The following LNX1 variants were observed in gnomAD, a reference collection of about 807,000 sequenced individuals.
LNX1 encodes the protein E3 ubiquitin-protein ligase LNX.
A neutral mutation model predicts 68.4 loss-of-function variants in LNX1; 54 were observed. The observed-to-expected ratio is 0.79, with a 90% confidence interval of 0.63 to 0.99. LNX1 has a LOEUF of 0.99. Among genes scored for constraint, LNX1 ranks in the 50% least tolerant of loss-of-function variants. The probability of loss-of-function intolerance (pLI) is 0.00; values close to 1 mark genes in which losing one functional copy is unlikely to be tolerated. For synonymous variants in LNX1, 336 were observed against 350.0 expected (o/e 0.96, Z 0.45); for missense variants, 906 against 926.4 (o/e 0.98, Z 0.29).
At chr4:53,592,087 C>T (rs893164992), upstream of LNX1, among the ~76,000 whole-genome samples, 4 of 152,006 alleles carry the variant, frequency 2.6e-5, no homozygotes, top group African/African-American at 9.7e-5. Flanking sequence ...TGCGCTACCC[C>T]CTCCCCCGCC....
intron 1 of LNX1, among the ~76,000 whole-genome samples, chr4:53,583,378 C>T (rs1042522881): frequency 1.3e-5 from 2 of 152,170 alleles, no homozygotes; most frequent in African/African-American, 2.4e-5. Context: ...GGGGCAAATA[C>T]ACTGCAGAGG....
intron 2 of LNX1, among the ~76,000 whole-genome samples, chr4:53,612,640 C>T (rs1351438533): frequency 2.0e-5 from 3 of 151,032 alleles, no homozygotes; most frequent in African/African-American, 7.3e-5. Context: ...GGCAATATAG[C>T]GAGACCCTGT....
chr4:53,633,288 C>A (rs894675115), intron 1 of LNX1, among the ~76,000 whole-genome samples: 10 of 152,306 alleles, frequency 6.6e-5, no homozygotes, highest in Admixed American at 6.5e-4. Context: ...TTGGCTACCA[C>A]CCCCATCCAC....
intron 5 of LNX1, among the ~76,000 whole-genome samples, chr4:53,497,594 A>G (rs1419241457): frequency 6.6e-6 from 1 of 152,214 alleles, no homozygotes; most frequent in Non-Finnish European, 1.5e-5. Context: ...TGCCTGCTAA[A>G]TAGTCCTGGC....
intron 1 of LNX1, among the ~76,000 whole-genome samples, chr4:53,641,813 G>A (rs770130234): frequency 3.9e-5 from 6 of 152,098 alleles, no homozygotes; most frequent in Non-Finnish European, 8.8e-5. Flanking sequence ...TACTTCACTT[G>A]GTATGATAAT....
At chr4:53,465,619 T>A (rs1369429930) in intron 9 of LNX1, among the ~76,000 whole-genome samples, 10 of 152,196 alleles carry the variant, frequency 6.6e-5, no homozygotes. Flanking sequence ...AATGTAAACT[T>A]CCTTAGTTTT....
Position 53,536,884 on chromosome 4 carries a change from A to G in LNX1, c.381-28657T>C, listed in dbSNP as rs776564899. On this transcript the variant is annotated intron_variant, in intron 2 of 10. Transcript: ENST00000263925. The stretch of plus-strand genomic sequence containing the variant: ...TATTACACTATGATACAAATATTTT[A>G]GTATAGATGTAGAATTTCTGCTCCA... Among the ~76,000 whole-genome samples the G allele has an allele frequency of 6.6e-5, 10 of 152,232 alleles. No homozygotes were observed. The East Asian group carries it at 1.9e-3, about 29-fold the overall frequency.
chr4:53,577,430 T>A (rs1331919067), intron 1 of LNX1, among the ~76,000 whole-genome samples: 1 of 152,162 alleles, frequency 6.6e-6, no homozygotes, highest in Admixed American at 6.5e-5. Context: ...TCTGGGCCAT[T>A]CCCTTGTTGG....
chr4:53,647,614 A>G (rs1734936185), intron 1 of LNX1, among the ~76,000 whole-genome samples: 1 of 152,252 alleles, frequency 6.6e-6, no homozygotes, highest in African/African-American at 2.4e-5. Context: ...ATGGTAAAAT[A>G]CACATAACAT....
At chr4:53,596,527 A>T (rs575689898) in intron 2 of LNX1, among the ~76,000 whole-genome samples, 2 of 152,304 alleles carry the variant, frequency 1.3e-5, no homozygotes, top group South Asian at 4.1e-4. Flanking sequence ...TGACAATTAC[A>T]CATATTTTTA....
At chr4:53,491,116 C>T (rs1724646462) in intron 6 of LNX1, among the ~76,000 whole-genome samples, 1 of 152,118 alleles carries the variant, frequency 6.6e-6, no homozygotes, top group African/African-American at 2.4e-5. Context: ...TTCCAAATGA[C>T]ATGATGAGTA....
At chr4:53,613,234 G>T (rs1449836459) in intron 2 of LNX1, among the ~76,000 whole-genome samples, 3 of 152,030 alleles carry the variant, frequency 2.0e-5, no homozygotes, top group East Asian at 3.9e-4. Context: ...TGTTTAAATT[G>T]ATCCCATGCA....
chr4:53,625,350 A>G (rs1325729074), intron 1 of LNX1, among the ~76,000 whole-genome samples: 4 of 152,230 alleles, frequency 2.6e-5, no homozygotes, highest in Non-Finnish European at 5.9e-5. Flanking sequence ...CACAATATAT[A>G]CAGAACTCTT....
chr4:53,586,170 G>A (rs1178172247), intron 1 of LNX1, among the ~76,000 whole-genome samples: 1 of 152,154 alleles, frequency 6.6e-6, no homozygotes, highest in African/African-American at 2.4e-5. Context: ...GAATGGCTGA[G>A]TGTGTGTATG....
At chr4:53,601,432 G>A (rs997194946) in intron 2 of LNX1, among the ~76,000 whole-genome samples, 41 of 152,134 alleles carry the variant, frequency 2.7e-4, no homozygotes, top group African/African-American at 1.2e-4. Context: ...GGGTATGCTC[G>A]CACCCCCACA....
chr4:53,569,618 T>G (rs1172273061), intron 2 of LNX1, among the ~76,000 whole-genome samples: 2 of 150,140 alleles, frequency 1.3e-5, no homozygotes, highest in Admixed American at 6.7e-5. Context: ...GACTTCATGT[T>G]TAAAACACCA....
At chr4:53,617,752 TA>T (rs1733732904), upstream of LNX1, among the ~76,000 whole-genome samples, 2 of 152,208 alleles carry the variant, frequency 1.3e-5, no homozygotes, top group Non-Finnish European at 1.5e-5. Context: ...ACAGAGATGT[TA>T]TTGACTAAAC....
intron 2 of LNX1, among the ~76,000 whole-genome samples, chr4:53,568,388 AC>A (rs1264648225): frequency 2.6e-5 from 4 of 152,032 alleles, no homozygotes; most frequent in Admixed American, 2.6e-4. Flanking sequence ...AGAGCCAAAG[AC>A]AAAAACCACA....
chr4:53,521,455 G>T (rs1470536389), intron 2 of LNX1, among the ~76,000 whole-genome samples: 1 of 152,144 alleles, frequency 6.6e-6, no homozygotes, highest in Non-Finnish European at 1.5e-5. Context: ...AGGCCCTCCT[G>T]GATATGCTGC....
Sources: gnomAD v4.1 joint callset for allele counts (sites outside exome capture counted in the v4.1 genomes callset) on GRCh38, gnomAD v4.1.1 for gene constraint, MANE v1.5 for transcripts, NCBI Gene and HGNC (gene_info 2026-07-23, HGNC 2026-07-21) for gene names.